TMEM127: variants seen among roughly 807,000 people sequenced by gnomAD.
The protein encoded by TMEM127 is transmembrane protein 127.
A neutral mutation model predicts 20.1 loss-of-function variants in TMEM127; 21 were observed. The ratio of observed to expected loss-of-function variants is 1.04; its 90% CI spans 0.74 to 1.50. The LOEUF is 1.50. Ranked by LOEUF, TMEM127 falls within the 40% of genes most tolerant of loss-of-function variation. TMEM127 has a pLI of 0.00. For synonymous variants in TMEM127, 150 were observed against 144.7 expected, an observed-to-expected ratio of 1.04 and a Z score of -0.26; for missense variants, 303 against 317.4, an observed-to-expected ratio of 0.95 and a Z score of 0.34.
Position 96,253,670 on chromosome 2 carries a change from G to C in TMEM127, c.*138C>G. ...ATACTTGGATGACCCTAAAGGCAGA[G>C]TCTCTCCTGGGGAAGGTTTGGAGAA... On this transcript the variant is annotated 3_prime_UTR_variant, in exon 4 of 4. Transcript: ENST00000258439. This position sits in a 1 kb window ranked among gnomAD's most constrained non-coding sequence, Gnocchi z 4.3. The C allele has an allele frequency of 1.1e-6, 1 of 945,456 alleles. No homozygotes were observed. 58.6% of individuals were successfully genotyped at this position (945,456 alleles called of 1,614,324 possible).
Position 96,253,959 on chromosome 2 carries a change from A to G in TMEM127, c.566T>C (p.Leu189Pro). 6.2e-7 allele frequency: 1 copy of G among 1,614,154 alleles called. No individual in the cohort carries two copies. The highest frequency in any genetic ancestry group is 1.1e-5 in the South Asian group (1 of 91,082). The change falls in exon 4 of 4, where the codon CTG becomes CCG. Residue 189 changes from leucine to proline, a missense_variant. Transcript: ENST00000258439. The surrounding 1 kb of genome is among the most constrained non-coding windows in gnomAD (Gnocchi z 4.3). The stretch of plus-strand genomic sequence containing the variant: ...GCGCAGGAGGTTGGCTGCCGTGGCC[A>G]GGATTGAGGCTCCACCAGCTCCTGC... ...LVAGAGGASILATAANLLRHY... is the reference protein window; with the variant it reads ...LVAGAGGASIPATAANLLRHY...
intron 1 of TMEM127, 144 bp downstream of exon 1, chr2:96,265,725 A>T (rs186984984): frequency 4.0e-6 from 1 of 250,818 alleles, no homozygotes. Flanking sequence ...AAAGACCCGG[A>T]GTCAGGGTCT....
chr2:96,256,364 G>A (rs1195149875), intron 2 of TMEM127, among the ~76,000 whole-genome samples: 1 of 151,826 alleles, frequency 6.6e-6, no homozygotes, highest in South Asian at 2.1e-4. Context: ...CTGAGGTCAG[G>A]AGTTTGAGAC....
chr2:96,253,567 T>G lies in TMEM127; in HGVS notation c.*241A>C. ...TCCCTGGCTGGTAATGACTCGTGAATGTGAAGGGGGCAGGATGTGGCAGGA... is the reference window on the plus strand; with the variant it reads ...TCCCTGGCTGGTAATGACTCGTGAAGGTGAAGGGGGCAGGATGTGGCAGGA... On this transcript the variant is annotated 3_prime_UTR_variant, in exon 4 of 4. Transcript: ENST00000258439. The surrounding 1 kb of genome is among the most constrained non-coding windows in gnomAD (Gnocchi z 4.3). The G allele has an allele frequency of 1.9e-6, 1 of 530,482 alleles. No individual in the cohort carries two copies. 32.9% of individuals were successfully genotyped at this position (530,482 alleles called of 1,614,324 possible). A position where few individuals can be genotyped will look rare whatever the true frequency, so the allele number is the denominator to read the frequency against.
rs186396523 is a variant in TMEM127 at position 96,249,874 on chromosome 2, A to T, written c.*3934T>A. ...GATGCACCACCTCTTCCTGTGTCCC[A>T]GGGTCCTCTCCTTGCGGCCCTTCAC... On this transcript the variant is annotated 3_prime_UTR_variant, in exon 4 of 4. Transcript: ENST00000258439. The T allele has an allele frequency of 5.1e-5, 12 of 233,218 alleles. No homozygotes were observed. The East Asian group carries it at 7.2e-4, about 14-fold the overall frequency. 14.4% of individuals were successfully genotyped at this position (233,218 alleles called of 1,614,324 possible). A position where few individuals can be genotyped will look rare whatever the true frequency, so the allele number is the denominator to read the frequency against.
intron 2 of TMEM127, among the ~76,000 whole-genome samples, chr2:96,261,931 G>A (rs1488856306): frequency 6.6e-6 from 1 of 152,138 alleles, no homozygotes; most frequent in Non-Finnish European, 1.5e-5. Flanking sequence ...TCCCATCACC[G>A]GCAGAGACCT....
In TMEM127 at chr2:96,252,143, C is replaced by G. The variant is rs1187702105; in HGVS notation, c.*1665G>C. ...GCAGTGAACTGCAAGCAGCCACTGG[C>G]TCGTGTGCAGATGTGGCCCTCACCA... On this transcript the variant is annotated 3_prime_UTR_variant, in exon 4 of 4. Transcript: ENST00000258439. The surrounding 1 kb of genome is among the most constrained non-coding windows in gnomAD (Gnocchi z 4.2). 4.3e-6 allele frequency: 1 copy of G among 233,268 alleles called. No individual in the cohort carries two copies. The highest frequency in any genetic ancestry group is 8.5e-6 in the Non-Finnish European group (1 of 118,106). The allele number at this position is 233,268 out of a possible 1,614,324, so 14.4% of individuals were successfully genotyped here.
rs1386193380 is a variant in TMEM127 at position 96,260,943 on chromosome 2, G to T, written c.244+4195C>A. On this transcript the variant is annotated intron_variant, in intron 2 of 3. Transcript: ENST00000258439. ...CCACAGACACCAACAGGCCCCGCAG[G>T]GCCTGGCAGTGTCAGCTGCCCCAGT... 2.0e-5 allele frequency among the ~76,000 whole-genome samples: 3 copies of T among 152,254 alleles called. No individual in the cohort carries two copies. The East Asian group carries it at 5.8e-4, about 29-fold the overall frequency.
chr2:96,263,814 G>C (rs562965820), intron 2 of TMEM127, among the ~76,000 whole-genome samples: 111 of 152,220 alleles, frequency 7.3e-4, no homozygotes, highest in Non-Finnish European at 1.2e-3. Context: ...TGGGTCTAGT[G>C]GTGGGAAGGT....
intron 1 of TMEM127, 60 bp from the exon 2 acceptor site, chr2:96,265,572 G>A (rs1684404895): frequency 1.5e-6 from 1 of 658,284 alleles, no homozygotes; most frequent in Non-Finnish European, 2.1e-6. Flanking sequence ...GAGACGGGGA[G>A]GGCTGCGGGA....
Position 96,256,015 on chromosome 2 carries a change from G to GT in TMEM127, c.245-1019dup, listed in dbSNP as rs1259583851. Among the ~76,000 whole-genome samples the GT allele has an allele frequency of 2.6e-5, 4 of 152,192 alleles. No individual in the cohort carries two copies. In the East Asian group the frequency reaches 7.7e-4, roughly 29 times the overall value. On this transcript the variant is annotated intron_variant, in intron 2 of 3. Transcript: ENST00000258439. The stretch of plus-strand genomic sequence containing the variant: ...TGGCCAGGCATGGTAGCTCACGCCT[G>GT]TAATCCCAGCTCTTTGGGAGGCCGA...
intron 2 of TMEM127, among the ~76,000 whole-genome samples, chr2:96,261,988 C>A (rs112749121): frequency 6.6e-6 from 1 of 152,080 alleles, no homozygotes; most frequent in Non-Finnish European, 1.5e-5. Context: ...TGGCCAGGAG[C>A]GGTGGCTCAT....
At chr2:96,265,068 A>C in intron 2 of TMEM127, 70 bp downstream of exon 2, 2 of 1,597,432 alleles carry the variant, frequency 1.3e-6, no homozygotes, top group Non-Finnish European at 8.5e-7. Flanking sequence ...GTCCCTGGCT[A>C]TCTCTGCTTC....
At chr2:96,254,751 C>T in intron 3 of TMEM127, 82 bp downstream of exon 3, 1 of 1,582,558 alleles carries the variant, frequency 6.3e-7, no homozygotes. Context: ...TCAGAGAAAC[C>T]AGAGCCCCCA....
chr2:96,250,751 A>C lies in TMEM127; in HGVS notation c.*3057T>G, dbSNP rs557978585. The C allele has an allele frequency of 2.6e-5, 6 of 232,918 alleles. No homozygotes were observed. Among genetic ancestry groups the C allele is most frequent in the African/African-American group, 1.1e-4 (5 of 45,434 alleles). 14.4% of individuals were successfully genotyped at this position (232,918 alleles called of 1,614,324 possible). A position where few individuals can be genotyped will look rare whatever the true frequency, so the allele number is the denominator to read the frequency against. On this transcript the variant is annotated 3_prime_UTR_variant, in exon 4 of 4. Transcript: ENST00000258439. ...AGAACGTGGGCAATCAAGGCCTGGC[A>C]CTGCCCTACAGGAGGCTTACAGGTC...
In TMEM127 at chr2:96,265,012, T is replaced by A. The variant is rs1017487286; in HGVS notation, c.244+126A>T. On this transcript the variant is annotated intron_variant, in intron 2 of 3. Transcript: ENST00000258439. ...CCCAAACAGAGCCACCTGGTGGGCA[T>A]GAACACCAGGCAGTTATGGGGCCGT... 4 of 1,489,534 alleles carry A rather than the reference T, an allele frequency of 2.7e-6. No individual in the cohort carries two copies. In the Admixed American group the frequency reaches 7.8e-5, roughly 29 times the overall value. 92.3% of individuals were successfully genotyped at this position (1,489,534 alleles called of 1,614,324 possible).
Position 96,265,679 on chromosome 2 carries a change from G to A in TMEM127, c.-131-167C>T, listed in dbSNP as rs146256063. Among the ~76,000 whole-genome samples the A allele has an allele frequency of 6.4e-3, 971 of 152,296 alleles. 8 individuals are homozygous for A. The highest frequency in any genetic ancestry group is 0.017 in the Middle Eastern group (5 of 292). The stretch of plus-strand genomic sequence containing the variant: ...ATGGGGTCTGGGCAGACTCGAGTGG[G>A]GGGCGGAGGGATCGGGGATCGGCTA... On this transcript the variant is annotated intron_variant, in intron 1 of 3. Coordinates refer to ENST00000258439, the MANE Select transcript of TMEM127 (RefSeq NM_017849.4).
At chr2:96,254,507 AC>A (rs1244208427) in intron 3 of TMEM127, among the ~76,000 whole-genome samples, 1 of 152,182 alleles carries the variant, frequency 6.6e-6, no homozygotes, top group African/African-American at 2.4e-5. Context: ...TCCAGGGGAG[AC>A]ACGGGAGACT....
chr2:96,261,874 G>T (rs1684317398), intron 2 of TMEM127, among the ~76,000 whole-genome samples: 1 of 152,148 alleles, frequency 6.6e-6, no homozygotes, highest in African/African-American at 2.4e-5. Context: ...ACTCAGGCAG[G>T]GGCTGAGAAA....
Sources: gnomAD v4.1 joint callset for allele counts (sites outside exome capture counted in the v4.1 genomes callset) on GRCh38, gnomAD v4.1.1 for gene constraint, Gnocchi (gnomAD v3.1) non-coding constraint, MANE v1.5 for transcripts, NCBI Gene and HGNC (gene_info 2026-07-23, HGNC 2026-07-21) for gene names.